MYO10: variants seen among roughly 807,000 people sequenced by gnomAD.
MYO10 encodes the protein unconventional myosin-X.
MYO10 carries 133 observed loss-of-function variants against 257.3 expected under a neutral mutation model. That is an observed-to-expected ratio of 0.52 (90% CI 0.45 to 0.60). The LOEUF (loss-of-function observed/expected upper bound fraction) is 0.60. MYO10 is among the 20% of genes least tolerant of loss of function. The probability of loss-of-function intolerance (pLI) is 0.00; values close to 1 mark genes in which losing one functional copy is unlikely to be tolerated. For synonymous variants in MYO10, 1,104 were observed against 1,028.6 expected (o/e 1.07, Z -1.40); for missense variants, 2,399 against 2,635.7 (o/e 0.91, Z 1.97).
intron 18 of MYO10, among the ~76,000 whole-genome samples, chr5:16,757,312 ACACG>A (rs201203616): frequency 0.36 from 40,362 of 111,652 alleles, 7,548 homozygotes; most frequent in South Asian, 0.47. Context: ...ACACACACAC[ACACG>A]CACACACACA....
intron 1 of MYO10, among the ~76,000 whole-genome samples, chr5:16,912,453 G>A (rs952305322): frequency 3.1e-4 from 47 of 152,098 alleles, no homozygotes; most frequent in African/African-American, 1.1e-3. Context: ...CATATTTGTA[G>A]CCTTTGTACA....
At chr5:16,872,379 G>A (rs988642884) in intron 2 of MYO10, among the ~76,000 whole-genome samples, 1 of 152,174 alleles carries the variant, frequency 6.6e-6, no homozygotes, top group Non-Finnish European at 1.5e-5. Context: ...GTTACCAAGG[G>A]CTAGAGGAAT....
chr5:16,842,577 T>C (rs1042473991), intron 2 of MYO10, among the ~76,000 whole-genome samples: 1 of 152,158 alleles, frequency 6.6e-6, no homozygotes, highest in Non-Finnish European at 1.5e-5. Flanking sequence ...GTAAGAATAC[T>C]TCCCCCTTCC....
intron 26 of MYO10, among the ~76,000 whole-genome samples, chr5:16,696,441 A>C (rs1015217751): frequency 6.6e-6 from 1 of 152,236 alleles, no homozygotes; most frequent in Non-Finnish European, 1.5e-5. Context: ...GGCTGCATTT[A>C]CACAATAGCT....
chr5:16,730,754 A>G (rs1739549278), intron 19 of MYO10, among the ~76,000 whole-genome samples: 1 of 152,226 alleles, frequency 6.6e-6, no homozygotes. Context: ...CTAAATGCCT[A>G]GACAACCTGA....
chr5:16,866,060 A>C (rs911070750), intron 2 of MYO10, among the ~76,000 whole-genome samples: 2 of 133,130 alleles, frequency 1.5e-5, no homozygotes, highest in African/African-American at 7.4e-5. Flanking sequence ...CACACACACA[A>C]AACAATAGAG....
chr5:16,674,294 C>T (rs1307049800), intron 35 of MYO10, among the ~76,000 whole-genome samples: 1 of 152,078 alleles, frequency 6.6e-6, no homozygotes, highest in Admixed American at 6.6e-5. Flanking sequence ...ACGGTGAAAC[C>T]CCATCTCTAC....
At chr5:16,905,011 T>A (rs988754874) in intron 1 of MYO10, among the ~76,000 whole-genome samples, 1 of 152,212 alleles carries the variant, frequency 6.6e-6, no homozygotes, top group Non-Finnish European at 1.5e-5. Context: ...CTCAGATTGC[T>A]GAGTTTAATA....
chr5:16,798,557 G>T (rs1742032185), intron 3 of MYO10, among the ~76,000 whole-genome samples: 1 of 152,124 alleles, frequency 6.6e-6, no homozygotes, highest in Non-Finnish European at 1.5e-5. Context: ...ACACTCCAGT[G>T]CCTCCTTCTA....
At chr5:16,672,950 ATGTTACCCGTGTGG>A in intron 36 of MYO10, 125 bp from the exon 37 acceptor site, 1 of 1,098,826 alleles carries the variant, frequency 9.1e-7, no homozygotes, top group East Asian at 2.6e-5. Flanking sequence ...CCTCCTAAAA[ATGTTACCCGTGTGG>A]TCATCCCAGA....
chr5:16,842,462 C>T (rs1743510997), intron 2 of MYO10, among the ~76,000 whole-genome samples: 1 of 152,182 alleles, frequency 6.6e-6, no homozygotes, highest in Non-Finnish European at 1.5e-5. Flanking sequence ...TCCTCACCAG[C>T]CCTGGGCTTC....
chr5:16,918,806 A>G (rs1313743648), intron 1 of MYO10, among the ~76,000 whole-genome samples: 2 of 152,052 alleles, frequency 1.3e-5, no homozygotes, highest in African/African-American at 2.4e-5. Flanking sequence ...TGGCCCACTG[A>G]AAGTATTTTT....
intron 8 of MYO10, 31 bp downstream of exon 8, chr5:16,780,493 G>C: frequency 6.6e-7 from 1 of 1,511,424 alleles, no homozygotes; most frequent in Non-Finnish European, 9.0e-7. Context: ...TGAGTTGCTA[G>C]TCCACATTAT....
At chr5:16,786,870 T>G (rs1175473139) in intron 4 of MYO10, among the ~76,000 whole-genome samples, 8 of 71,884 alleles carry the variant, frequency 1.1e-4, no homozygotes, top group Admixed American at 5.0e-4. Context: ...CATTTTTATT[T>G]AAAAAAAAAA....
chr5:16,833,217 G>GTT (rs60623939), intron 2 of MYO10, among the ~76,000 whole-genome samples: 27 of 143,634 alleles, frequency 1.9e-4, no homozygotes, highest in Non-Finnish European at 3.4e-4. Context: ...TACTAGGTTT[G>GTT]TTTTTTTTTT....
chr5:16,756,416 A>C (rs1213068130), intron 18 of MYO10, among the ~76,000 whole-genome samples: 1 of 152,116 alleles, frequency 6.6e-6, no homozygotes, highest in Non-Finnish European at 1.5e-5. Context: ...AATATGGTCC[A>C]TTCATTGTAA....
At position 16,701,754 on chromosome 5, in the gene MYO10, G is replaced by A. The variant is rs1237700453; in HGVS notation, c.2641C>T (p.Gln881Ter). Residue 881 changes from glutamine (Q) to a stop codon, truncating the protein, a stop_gained, in exon 25 of 41, where the codon CAG becomes TAG. Coordinates refer to ENST00000513610, the MANE Select transcript of MYO10 (RefSeq NM_012334.3). LOFTEE classifies it high-confidence loss of function. This position sits in a 1 kb window ranked among gnomAD's most constrained non-coding sequence, Gnocchi z 8.1. ...TCTTCCACCTGCTTATTTTCCTTCT[G>A]TTTCTCCAGTTCACGGGTCAGTTCA... Reference protein sequence around the residue: ...EAELTRELEKQKENKQVEEIL... With the variant: ...EAELTRELEK 1.9e-6 allele frequency: 3 copies of A among 1,613,934 alleles called. No homozygotes were observed. Among genetic ancestry groups the A allele is most frequent in the Non-Finnish European group, 1.7e-6 (2 of 1,179,894 alleles).
At chr5:16,893,196 C>CAAACAAAA (rs538239809) in intron 1 of MYO10, among the ~76,000 whole-genome samples, 4 of 69,614 alleles carry the variant, frequency 5.7e-5, no homozygotes, top group Non-Finnish European at 8.0e-5. Context: ...GACTCTGTCT[C>CAAACAAAA]AAAAAAAAAA....
chr5:16,826,243 A>G (rs774820070), intron 2 of MYO10, among the ~76,000 whole-genome samples: 7 of 152,060 alleles, frequency 4.6e-5, no homozygotes, highest in Non-Finnish European at 8.8e-5. Flanking sequence ...AGCTGGATTG[A>G]CCTCTCCTAG....
Sources: gnomAD v4.1 joint callset for allele counts (sites outside exome capture counted in the v4.1 genomes callset) on GRCh38, gnomAD v4.1.1 for gene constraint, Gnocchi (gnomAD v3.1) non-coding constraint, MANE v1.5 for transcripts, NCBI Gene and HGNC (gene_info 2026-07-23, HGNC 2026-07-21) for gene names.